TMTC2: variants seen among roughly 807,000 people sequenced by gnomAD.
TMTC2 encodes protein O-mannosyl-transferase TMTC2.
In TMTC2, 43 loss-of-function variants were observed where a neutral mutation model predicts 82.4. The observed-to-expected ratio is 0.52, with a 90% CI of 0.41 to 0.67. TMTC2 has a LOEUF of 0.67. Among genes scored for constraint, TMTC2 ranks in the 30% least tolerant of loss-of-function variants. The probability of loss-of-function intolerance (pLI) is 0.00; values close to 1 mark genes in which losing one functional copy is unlikely to be tolerated. For synonymous variants in TMTC2, 408 were observed against 381.9 expected (o/e 1.07, Z -0.80); for missense variants, 919 against 1,012.4 (o/e 0.91, Z 1.25).
chr12:83,001,947 T>C (rs1879946115), intron 8 of TMTC2, among the ~76,000 whole-genome samples: 1 of 152,198 alleles, frequency 6.6e-6, no homozygotes, highest in African/African-American at 2.4e-5. Flanking sequence ...GTTTTCTTTT[T>C]TGTTGTGTCT....
At chr12:82,775,276 T>C (rs933546499) in intron 1 of TMTC2, among the ~76,000 whole-genome samples, 2 of 151,844 alleles carry the variant, frequency 1.3e-5, no homozygotes, top group Non-Finnish European at 2.9e-5. Flanking sequence ...CAGCAAGACC[T>C]GGTCTTTATA....
chr12:82,925,093 T>TAGCA (rs1476274618), intron 3 of TMTC2, among the ~76,000 whole-genome samples: 2 of 152,204 alleles, frequency 1.3e-5, no homozygotes, highest in Non-Finnish European at 2.9e-5. Context: ...CTTGCCAGGC[T>TAGCA]TGCTCCTTAT....
chr12:82,728,527 C>G (rs551509997), intron 1 of TMTC2, among the ~76,000 whole-genome samples: 76 of 152,202 alleles, frequency 5.0e-4, no homozygotes, highest in Non-Finnish European at 7.9e-4. Context: ...TCCAGACCAG[C>G]CGGGCCAACA....
intron 11 of TMTC2, among the ~76,000 whole-genome samples, chr12:83,069,451 T>A (rs1304359134): frequency 1.3e-5 from 2 of 152,228 alleles, no homozygotes; most frequent in Non-Finnish European, 2.9e-5. Context: ...TCATTAATGA[T>A]GTTGAGCATG....
chr12:83,090,375 A>G (rs2137518173), intron 11 of TMTC2, among the ~76,000 whole-genome samples: 1 of 152,298 alleles, frequency 6.6e-6, no homozygotes, highest in East Asian at 1.9e-4. Flanking sequence ...TTTAGAGAGA[A>G]AACTCATTTG....
At chr12:82,782,148 G>A (rs2137010599) in intron 1 of TMTC2, among the ~76,000 whole-genome samples, 1 of 152,192 alleles carries the variant, frequency 6.6e-6, no homozygotes, top group East Asian at 1.9e-4. Flanking sequence ...ATGGCTGGAT[G>A]CTTCTTAGGA....
intron 1 of TMTC2, among the ~76,000 whole-genome samples, chr12:82,768,150 C>T (rs566121219): frequency 7.2e-5 from 11 of 152,286 alleles, no homozygotes; most frequent in South Asian, 4.1e-4. Context: ...ACCAACACTA[C>T]AGTTGAAAGA....
At chr12:82,925,208 C>G (rs1401113046) in intron 3 of TMTC2, among the ~76,000 whole-genome samples, 1 of 152,144 alleles carries the variant, frequency 6.6e-6, no homozygotes, top group Non-Finnish European at 1.5e-5. Flanking sequence ...ATTTATAACA[C>G]TTATCACTAT....
intron 8 of TMTC2, among the ~76,000 whole-genome samples, chr12:82,995,352 A>ACG (rs1189454965): frequency 6.6e-6 from 1 of 150,742 alleles, no homozygotes; most frequent in Non-Finnish European, 1.5e-5. Flanking sequence ...ACACACACAC[A>ACG]CGCACATAAA....
intron 11 of TMTC2, among the ~76,000 whole-genome samples, chr12:83,113,606 C>G (rs769353615): frequency 6.6e-5 from 10 of 152,148 alleles, no homozygotes; most frequent in Non-Finnish European, 1.3e-4. Context: ...AGGCATAACA[C>G]CTTGGCAAGT....
intron 8 of TMTC2, among the ~76,000 whole-genome samples, chr12:83,013,085 A>G (rs1378848471): frequency 6.6e-6 from 1 of 152,134 alleles, no homozygotes; most frequent in Non-Finnish European, 1.5e-5. Context: ...TTCTGATCTT[A>G]GAAATTACTA....
Position 82,876,071 on chromosome 12 carries a change from GATGATGA to G in TMTC2, c.654+18492_654+18498del, listed in dbSNP as rs1565788806. Among the ~76,000 whole-genome samples the G allele has an allele frequency of 2.5e-3, 301 of 119,094 alleles. 9 individuals are homozygous for G. The highest frequency in any genetic ancestry group is 0.011 in the African/African-American group (274 of 24,806). 78.1% of individuals were successfully genotyped at this position (119,094 alleles called of 152,430 possible). On this transcript the variant is annotated intron_variant, in intron 2 of 11. Coordinates refer to ENST00000321196, the MANE Select transcript of TMTC2 (RefSeq NM_152588.3). ...TGGTGGTGGTGGTGGTGGTGGTGAT[GATGATGA>G]TGGTGATTAGTATTCATAATGGTGG... is the stretch of plus-strand genomic sequence containing the variant.
At chr12:82,964,985 A>G in intron 4 of TMTC2, 39 bp from the exon 5 acceptor site, 1 of 1,485,524 alleles carries the variant, frequency 6.7e-7, no homozygotes, top group Non-Finnish European at 9.3e-7. Context: ...ATATATAATA[A>G]TACAGTCCTT....
chr12:82,728,764 T>A (rs943391772), intron 1 of TMTC2, among the ~76,000 whole-genome samples: 5 of 151,802 alleles, frequency 3.3e-5, no homozygotes, highest in Admixed American at 3.3e-4. Flanking sequence ...TGCGGGGAGG[T>A]GTGGAGGCAG....
intron 3 of TMTC2, among the ~76,000 whole-genome samples, chr12:82,908,171 A>G (rs1372816524): frequency 5.9e-5 from 9 of 152,314 alleles, no homozygotes; most frequent in East Asian, 1.9e-4. Flanking sequence ...TATGAAATAT[A>G]TCATTCATAG....
At chr12:82,815,019 A>T (rs1868611181) in intron 1 of TMTC2, among the ~76,000 whole-genome samples, 1 of 152,094 alleles carries the variant, frequency 6.6e-6, no homozygotes, top group Non-Finnish European at 1.5e-5. Context: ...ACATCAGGAC[A>T]TTGGAGGTAC....
intron 1 of TMTC2, among the ~76,000 whole-genome samples, chr12:82,762,579 C>G (rs1876713422): frequency 1.3e-5 from 2 of 152,054 alleles, no homozygotes; most frequent in Non-Finnish European, 2.9e-5. Context: ...AGAGAGTCAG[C>G]TGGGTGCAGT....
At chr12:82,938,625 C>G (rs1876541183) in intron 4 of TMTC2, among the ~76,000 whole-genome samples, 2 of 152,136 alleles carry the variant, frequency 1.3e-5, no homozygotes, top group African/African-American at 4.8e-5. Context: ...CACCAGTGCT[C>G]TTGGTGTACA....
chr12:82,968,977 G>C (rs1264390772), intron 7 of TMTC2, among the ~76,000 whole-genome samples: 1 of 152,032 alleles, frequency 6.6e-6, no homozygotes, highest in Non-Finnish European at 1.5e-5. Context: ...TTATGTGAAG[G>C]TCTGCTAGCC....
Sources: gnomAD v4.1 joint callset for allele counts (sites outside exome capture counted in the v4.1 genomes callset) on GRCh38, gnomAD v4.1.1 for gene constraint, MANE v1.5 for transcripts, NCBI Gene and HGNC (gene_info 2026-07-23, HGNC 2026-07-21) for gene names.